The following TRPC5 variants were observed in gnomAD, a reference collection of about 807,000 sequenced individuals.
TRPC5 encodes short transient receptor potential channel 5.
TRPC5 carries 9 observed loss-of-function variants against 56.5 expected under a neutral mutation model. The ratio of observed to expected loss-of-function variants is 0.16; its 90% CI spans 0.10 to 0.28. The LOEUF is 0.28. TRPC5 is among the 10% of genes least tolerant of loss of function. The pLI is 1.00. For synonymous variants in TRPC5, 282 were observed against 278.5 expected (o/e 1.01, Z -0.13); for missense variants, 469 against 748.9 (o/e 0.63, Z 4.36).
chrX:111,979,993 G>GTATA (rs1433594097), intron 1 of TRPC5, among the ~76,000 whole-genome samples: 1 of 111,525 alleles, frequency 9.0e-6, no homozygotes. Flanking sequence ...AAAAGTTAAT[G>GTATA]TATATGTCCA....
intron 1 of TRPC5, among the ~76,000 whole-genome samples, chrX:112,078,957 C>T (rs1930900103): frequency 1.8e-5 from 2 of 111,535 alleles, no homozygotes; most frequent in African/African-American, 6.5e-5. Flanking sequence ...CTGGCCTTAG[C>T]TTATCCCTCA....
At chrX:111,878,641 A>C (rs1448625271) in intron 3 of TRPC5, among the ~76,000 whole-genome samples, 3 of 111,408 alleles carry the variant, frequency 2.7e-5, no homozygotes, top group Non-Finnish European at 5.7e-5. Context: ...ACCTCCCCTC[A>C]ATCGTGACAA....
chrX:111,986,209 T>G (rs917711122), intron 1 of TRPC5, among the ~76,000 whole-genome samples: 23 of 111,106 alleles, frequency 2.1e-4, no homozygotes, highest in African/African-American at 6.5e-4. Context: ...TTTCAGCTAT[T>G]CACCCAAACA....
chrX:111,825,167 CTTTCTTTCT>C (rs1190531113), intron 7 of TRPC5, among the ~76,000 whole-genome samples: 1 of 72,598 alleles, frequency 1.4e-5, no homozygotes, highest in Non-Finnish European at 2.6e-5. Flanking sequence ...TTCTTTCTTT[CTTTCTTTCT>C]TTCTTTCTTT....
At chrX:111,911,074 C>A (rs998751854) in intron 3 of TRPC5, among the ~76,000 whole-genome samples, 3 of 112,327 alleles carry the variant, frequency 2.7e-5, no homozygotes, top group Admixed American at 9.4e-5. Context: ...CATTTTTTAT[C>A]CCATTCCAGG....
chrX:112,015,660 C>A (rs768257677), intron 1 of TRPC5, among the ~76,000 whole-genome samples: 5 of 111,267 alleles, frequency 4.5e-5, no homozygotes, highest in Non-Finnish European at 9.4e-5. Context: ...TTTTTTTAGA[C>A]CTCAATCTCC....
At chrX:111,828,642 A>G (rs959308298) in intron 7 of TRPC5, among the ~76,000 whole-genome samples, 2 of 111,810 alleles carry the variant, frequency 1.8e-5, no homozygotes, top group African/African-American at 3.3e-5. Context: ...GAACTGGGCA[A>G]TGGGCAGAGG....
At chrX:111,947,181 T>C (rs1254069487) in intron 2 of TRPC5, among the ~76,000 whole-genome samples, 1 of 111,570 alleles carries the variant, frequency 9.0e-6, no homozygotes, top group Non-Finnish European at 1.9e-5. Context: ...CTGGGAATCC[T>C]GACTTACTCA....
At chrX:112,048,562 A>G (rs1930131381) in intron 1 of TRPC5, among the ~76,000 whole-genome samples, 1 of 110,557 alleles carries the variant, frequency 9.0e-6, no homozygotes, top group Admixed American at 9.6e-5. Flanking sequence ...AACCCTAACC[A>G]TATTTGTGAG....
At position 111,776,558 on chromosome X, in the gene TRPC5, C is replaced by T. The variant is rs367779214; in HGVS notation, c.2677G>A (p.Ala893Thr). ...AGGTTAATTTCACTTTGAGAACAGG[C>T]CTCTGCTTTCCCTTTCTCCATCTGA... is the stretch of plus-strand genomic sequence containing the variant. ...YSQMEKGKAE[A>T]CSQSEINLSE... The change falls in exon 11 of 11, where the codon GCC (alanine) becomes ACC (threonine). Residue 893 changes from alanine to threonine, a missense_variant. Around this residue, in one of 3 missense-constraint regions of TRPC5, gnomAD observed 194 missense variants for 221.8 expected, o/e 0.87. Transcript: ENST00000262839. 115 of 1,210,050 alleles carry T rather than the reference C, an allele frequency of 9.5e-5. No homozygotes were observed. The highest frequency in any genetic ancestry group is 1.2e-4 in the Non-Finnish European group (111 of 895,253).
At chrX:111,820,150 A>G (rs749238711) in intron 7 of TRPC5, among the ~76,000 whole-genome samples, 1 of 112,426 alleles carries the variant, frequency 8.9e-6, no homozygotes, top group African/African-American at 3.2e-5. Context: ...TGCAATGGAT[A>G]TAAATTGACA....
intron 6 of TRPC5, among the ~76,000 whole-genome samples, chrX:111,840,957 A>T (rs1922712509): frequency 8.9e-6 from 1 of 112,143 alleles, no homozygotes; most frequent in South Asian, 3.7e-4. Context: ...AGATGACAGG[A>T]GAAACACATA....
At chrX:111,813,568 AC>A (rs1921774674) in intron 7 of TRPC5, among the ~76,000 whole-genome samples, 1 of 112,663 alleles carries the variant, frequency 8.9e-6, no homozygotes, top group African/African-American at 3.2e-5. Context: ...ACAAAGTCTT[AC>A]ATATTCTTTC....
chrX:111,880,272 T>A (rs60068408), intron 3 of TRPC5, among the ~76,000 whole-genome samples: 4 of 111,556 alleles, frequency 3.6e-5, no homozygotes, highest in African/African-American at 1.3e-4. Context: ...AAGGGTTGTG[T>A]CTATATGTGC....
At chrX:111,965,624 C>T (rs761202177) in intron 1 of TRPC5, among the ~76,000 whole-genome samples, 1 of 112,086 alleles carries the variant, frequency 8.9e-6, no homozygotes, top group African/African-American at 3.2e-5. Flanking sequence ...AACAAACTGT[C>T]TCTCAGACTA....
At chrX:111,798,408 A>G (rs1921179492) in intron 7 of TRPC5, among the ~76,000 whole-genome samples, 1 of 112,339 alleles carries the variant, frequency 8.9e-6, no homozygotes, top group Admixed American at 9.5e-5. Flanking sequence ...ATATTGCAGT[A>G]AAAAGTGATC....
chrX:112,060,556 T>C (rs1930436810), intron 1 of TRPC5, among the ~76,000 whole-genome samples: 1 of 112,078 alleles, frequency 8.9e-6, no homozygotes, highest in South Asian at 3.7e-4. Context: ...TGAGGTTATC[T>C]GAGGTTCTTT....
intron 3 of TRPC5, among the ~76,000 whole-genome samples, chrX:111,869,825 CTG>C (rs1387013577): frequency 9.0e-6 from 1 of 110,890 alleles, no homozygotes; most frequent in Admixed American, 9.6e-5. Flanking sequence ...AAAGGGGAGT[CTG>C]TGTTGGAAAG....
intron 1 of TRPC5, among the ~76,000 whole-genome samples, chrX:112,023,654 G>A (rs1052056739): frequency 9.0e-6 from 1 of 111,363 alleles, no homozygotes; most frequent in Non-Finnish European, 1.9e-5. Context: ...TTGATTACTT[G>A]TCAGGCTCTG....
Sources: allele counts gnomAD v4.1 joint callset (sites outside exome capture counted in the v4.1 genomes callset), GRCh38; gene constraint gnomAD v4.1.1; regional missense constraint gnomAD v4.1.1; transcripts MANE v1.5; gene names NCBI Gene and HGNC (gene_info 2026-07-23, HGNC 2026-07-21).